Variants in NR5A2 observed in about 807,000 individuals in gnomAD.
NR5A2 encodes nuclear receptor subfamily 5 group A member 2.
A neutral mutation model predicts 62.7 loss-of-function variants in NR5A2; 26 were observed. That is an observed-to-expected ratio of 0.41 (90% CI 0.30 to 0.58). The LOEUF (loss-of-function observed/expected upper bound fraction) is 0.58. Ranked by LOEUF, NR5A2 falls within the 20% of genes least tolerant of loss-of-function variation. The probability of loss-of-function intolerance (pLI) is 0.22; values close to 1 mark genes in which losing one functional copy is unlikely to be tolerated. For missense variants in NR5A2, 541 were observed against 669.1 expected, an observed-to-expected ratio of 0.81 and a Z score of 2.11; for synonymous variants, 246 against 241.7, an observed-to-expected ratio of 1.02 and a Z score of -0.16.
intron 5 of NR5A2, among the ~76,000 whole-genome samples, chr1:200,061,434 A>G (rs547460295): frequency 4.6e-4 from 70 of 152,012 alleles, no homozygotes; most frequent in Non-Finnish European, 8.2e-4. Context: ...GTATACCACC[A>G]TGCCTGGCTA....
intron 5 of NR5A2, among the ~76,000 whole-genome samples, chr1:200,099,887 T>C (rs1321041109): frequency 1.3e-5 from 2 of 152,164 alleles, no homozygotes; most frequent in Non-Finnish European, 2.9e-5. Flanking sequence ...CCACCGCGCC[T>C]GGCCACACCT....
intron 5 of NR5A2, among the ~76,000 whole-genome samples, chr1:200,051,364 C>CT (rs1341367421): frequency 3.9e-5 from 6 of 152,202 alleles, no homozygotes; most frequent in African/African-American, 1.2e-4. Context: ...CTATTCCTCT[C>CT]TTTTCCCTCC....
rs1654375389 is a variant in NR5A2 at position 200,175,472 on chromosome 1, A to T, written c.*1262A>T. 6.5e-6 allele frequency: 1 copy of T among 152,694 alleles called. No homozygotes were observed. The highest frequency in any genetic ancestry group is 2.1e-4 in the South Asian group (1 of 4,838). The allele number at this position is 152,694 out of a possible 1,614,324, so 9.5% of individuals were successfully genotyped here. On this transcript the variant is annotated 3_prime_UTR_variant, in exon 8 of 8. Transcript: ENST00000367362. ...AATATGGGAGGACAAAGAATCGCAA[A>T]TTCTTCAAATGACTATTATCAGTAT...
Position 200,043,795 on chromosome 1 carries a change from A to G in NR5A2, c.224A>G (p.Asn75Ser), listed in dbSNP as rs1250865105. 2 of 1,612,272 alleles carry G rather than the reference A, an allele frequency of 1.2e-6. No homozygotes were observed. Among genetic ancestry groups the G allele is most frequent in the South Asian group, 1.1e-5 (1 of 90,878 alleles). Residue 75 changes from asparagine (N) to serine (S), a missense_variant, in exon 3 of 8, where the codon AAT (asparagine) becomes AGT (serine). Transcript: ENST00000367362. ...TCAGTGTCTCAATTTAAAATGGTGA[A>G]TTACTCCTATGATGAAGATCTGGAA... The part of the protein sequence containing the change: ...NMQVSQFKMV[N>S]YSYDEDLEEL...
intron 1 of NR5A2, among the ~76,000 whole-genome samples, chr1:200,028,440 A>C (rs1373027758): frequency 4.0e-5 from 6 of 151,088 alleles, no homozygotes; most frequent in Non-Finnish European, 7.4e-5. Flanking sequence ...AAAAAAAAAA[A>C]AAACCAAAAA....
At position 200,147,519 on chromosome 1, in the gene NR5A2, C is replaced by T; in HGVS notation, c.1379-26444C>T. The T allele has an allele frequency of 1.5e-6, 1 of 660,930 alleles. No homozygotes were observed. Among genetic ancestry groups the T allele is most frequent in the Non-Finnish European group, 2.9e-6 (1 of 345,156 alleles). 40.9% of individuals were successfully genotyped at this position (660,930 alleles called of 1,614,324 possible). On this transcript the variant is annotated intron_variant, in intron 7 of 7. Transcript: ENST00000367362. This position sits in a 1 kb window ranked among gnomAD's most constrained non-coding sequence, Gnocchi z 4.9. ...TTCTTCATCCTTAAAATTTCTGCTG[C>T]TTTTGCTGTTTCTGTGATTTCCTTG...
At chr1:200,132,288 G>C (rs1022228961) in intron 7 of NR5A2, among the ~76,000 whole-genome samples, 1 of 152,198 alleles carries the variant, frequency 6.6e-6, no homozygotes, top group Non-Finnish European at 1.5e-5. Context: ...GGGATTACAG[G>C]TGTGAGCCAA....
At chr1:200,075,460 C>T (rs975120743) in intron 5 of NR5A2, among the ~76,000 whole-genome samples, 3 of 152,204 alleles carry the variant, frequency 2.0e-5, no homozygotes, top group Non-Finnish European at 2.9e-5. Flanking sequence ...AAGGAAGCCT[C>T]TTTGCTTCAG....
chr1:200,169,077 G>C (rs1179439945), intron 7 of NR5A2, among the ~76,000 whole-genome samples: 5 of 151,848 alleles, frequency 3.3e-5, no homozygotes, highest in African/African-American at 4.8e-5. Context: ...ATTAATCCCA[G>C]ATAACTCCCA....
At chr1:200,094,550 T>TTTTTTA (rs1664983312) in intron 5 of NR5A2, among the ~76,000 whole-genome samples, 3 of 129,906 alleles carry the variant, frequency 2.3e-5, no homozygotes, top group Non-Finnish European at 1.6e-5. Context: ...TTTTTTTTTT[T>TTTTTTA]GAGAAGGAGT....
chr1:200,074,343 G>C (rs992021637), intron 5 of NR5A2, among the ~76,000 whole-genome samples: 8 of 151,348 alleles, frequency 5.3e-5, no homozygotes, highest in Admixed American at 5.3e-4. Flanking sequence ...AGCACTTTGG[G>C]AGGCTGAGGT....
chr1:200,119,892 A>G (rs1453206135), intron 6 of NR5A2, among the ~76,000 whole-genome samples: 2 of 151,628 alleles, frequency 1.3e-5, no homozygotes, highest in Non-Finnish European at 2.9e-5. Context: ...TACAGGCATG[A>G]GCCACCGTGC....
In NR5A2 at chr1:200,174,225, G is replaced by A; in HGVS notation, c.*15G>A. 1.3e-6 allele frequency: 2 copies of A among 1,527,106 alleles called. No individual in the cohort carries two copies. Among genetic ancestry groups the A allele is most frequent in the Non-Finnish European group, 8.8e-7 (1 of 1,136,386 alleles). 94.6% of individuals were successfully genotyped at this position (1,527,106 alleles called of 1,614,324 possible). On this transcript the variant is annotated 3_prime_UTR_variant, in exon 8 of 8. Transcript: ENST00000367362. Reference sequence around the variant, plus strand: ...AAAGAGCATAAGTTACAACCCCTAGGAGCTCTGCTTTCAAAACAAAAAGAG... The same window carrying A: ...AAAGAGCATAAGTTACAACCCCTAGAAGCTCTGCTTTCAAAACAAAAAGAG...
intron 5 of NR5A2, among the ~76,000 whole-genome samples, chr1:200,098,972 G>A (rs576745093): frequency 1.3e-5 from 2 of 152,158 alleles, no homozygotes; most frequent in South Asian, 2.1e-4. Flanking sequence ...GCCAAACTTC[G>A]ACTGTTGGAG....
intron 5 of NR5A2, among the ~76,000 whole-genome samples, chr1:200,052,848 G>T (rs915476652): frequency 4.6e-5 from 7 of 152,012 alleles, no homozygotes; most frequent in Admixed American, 2.0e-4. Context: ...CACCGTGTTA[G>T]CCAGGATGGT....
intron 7 of NR5A2, among the ~76,000 whole-genome samples, chr1:200,154,116 T>C (rs996389764): frequency 3.3e-5 from 5 of 152,230 alleles, no homozygotes; most frequent in Admixed American, 2.6e-4. Flanking sequence ...CACCACATTA[T>C]TTCCAGAAGT....
chr1:200,151,527 G>A (rs538457034), intron 7 of NR5A2, among the ~76,000 whole-genome samples: 41 of 152,228 alleles, frequency 2.7e-4, no homozygotes, highest in Admixed American at 9.8e-4. Flanking sequence ...CACCATGGAA[G>A]GTGTACAACA....
intron 7 of NR5A2, among the ~76,000 whole-genome samples, chr1:200,144,231 T>TCA (rs1240239017): frequency 1.2e-3 from 84 of 70,848 alleles, no homozygotes; most frequent in African/African-American, 3.9e-3. Flanking sequence ...TCTCTCTCTC[T>TCA]CTCACACACA....
At chr1:200,145,174 G>A (rs1667632007) in intron 7 of NR5A2, among the ~76,000 whole-genome samples, 1 of 152,156 alleles carries the variant, frequency 6.6e-6, no homozygotes, top group Non-Finnish European at 1.5e-5. Flanking sequence ...GCCAGGCGTG[G>A]TGTCACGTGT....
Sources: gnomAD v4.1 joint callset for allele counts (sites outside exome capture counted in the v4.1 genomes callset) on GRCh38, gnomAD v4.1.1 for gene constraint, Gnocchi (gnomAD v3.1) non-coding constraint, MANE v1.5 for transcripts, NCBI Gene and HGNC (gene_info 2026-07-23, HGNC 2026-07-21) for gene names.